Variants in IL4R observed in about 807,000 individuals in gnomAD.
IL4R encodes the protein interleukin-4 receptor subunit alpha.
Under a neutral mutation model 41.5 loss-of-function variants are expected in IL4R, and 17 were observed. That is an observed-to-expected ratio of 0.41 (90% CI 0.28 to 0.61). The LOEUF (loss-of-function observed/expected upper bound fraction) is 0.61, where lower values mean the gene tolerates loss of function less well. Among genes scored for constraint, IL4R ranks in the 20% least tolerant of loss-of-function variants. IL4R has a pLI of 0.31. For missense variants in IL4R, 974 were observed against 1,043.1 expected, an observed-to-expected ratio of 0.93 and a Z score of 0.91; for synonymous variants, 402 against 422.9, an observed-to-expected ratio of 0.95 and a Z score of 0.61.
In IL4R at chr16:27,327,936, G is replaced by A. The variant is rs138284155; in HGVS notation, c.-151-2130G>A. Reference sequence around the variant, plus strand: ...GTTTAAAAATGATTATTGAGGCCAGGTGCGGTAGCTCATGCCTGTAATCCC... The same window carrying A: ...GTTTAAAAATGATTATTGAGGCCAGATGCGGTAGCTCATGCCTGTAATCCC... On this transcript the variant is annotated intron_variant, in intron 1 of 10. Coordinates refer to ENST00000395762, the MANE Select transcript of IL4R (RefSeq NM_000418.4). 2.6e-3 allele frequency among the ~76,000 whole-genome samples: 395 copies of A among 152,200 alleles called. 5 individuals carry two copies. The East Asian group carries it at 0.041, about 16-fold the overall frequency.
At chr16:27,351,103 G>C (rs1436522367) in intron 6 of IL4R, among the ~76,000 whole-genome samples, 2 of 152,156 alleles carry the variant, frequency 1.3e-5, no homozygotes, top group Non-Finnish European at 2.9e-5. Flanking sequence ...GTGTGGGATG[G>C]GGCTGCAGTT....
At chr16:27,348,763 C>A (rs2085759048) in intron 6 of IL4R, among the ~76,000 whole-genome samples, 1 of 152,186 alleles carries the variant, frequency 6.6e-6, no homozygotes, top group African/African-American at 2.4e-5. Context: ...AGTCACATAC[C>A]TGCCTCTAGG....
chr16:27,317,291 G>A (rs370186945), intron 1 of IL4R, among the ~76,000 whole-genome samples: 1 of 152,120 alleles, frequency 6.6e-6, no homozygotes, highest in Non-Finnish European at 1.5e-5. Flanking sequence ...ACTGAGACCC[G>A]GAGATGAATG....
chr16:27,338,104 G>A (rs1003345186), intron 2 of IL4R, among the ~76,000 whole-genome samples: 2 of 151,238 alleles, frequency 1.3e-5, no homozygotes, highest in African/African-American at 4.9e-5. Context: ...CTACAGGTGT[G>A]CGCCACCACA....
intron 9 of IL4R, 101 bp from the exon 10 acceptor site, chr16:27,360,665 C>T: frequency 7.2e-7 from 1 of 1,390,150 alleles, no homozygotes; most frequent in Non-Finnish European, 1.0e-6. Flanking sequence ...GACTTCTGAT[C>T]TGTGTGATGT....
Position 27,352,521 on chromosome 16 carries a change from T to C in IL4R, c.514-19T>C. ...CTCGCCCCCGGCTGGTGCCCTAACA[T>C]CTCCCTTTTCTCTACCAGTTCAGAA... On this transcript the variant is annotated intron_variant, in intron 6 of 10. Transcript: ENST00000395762. 6.2e-7 allele frequency: 1 copy of C among 1,611,026 alleles called. No individual in the cohort carries two copies. The highest frequency in any genetic ancestry group is 8.5e-7 in the Non-Finnish European group (1 of 1,177,602).
intron 6 of IL4R, among the ~76,000 whole-genome samples, chr16:27,350,755 A>G (rs780780095): frequency 6.6e-6 from 1 of 152,198 alleles, no homozygotes; most frequent in African/African-American, 2.4e-5. Context: ...GTACAAAAGG[A>G]CTTAGAATGG....
chr16:27,358,608 T>TGAG (rs2086176920), intron 8 of IL4R, among the ~76,000 whole-genome samples: 1 of 152,214 alleles, frequency 6.6e-6, no homozygotes, highest in South Asian at 2.1e-4. Context: ...TCATTCCCAC[T>TGAG]GAGGACATAG....
intron 2 of IL4R, among the ~76,000 whole-genome samples, chr16:27,332,378 CAGG>C (rs200403770): frequency 0.012 from 1,890 of 152,160 alleles, 19 homozygotes; most frequent in South Asian, 0.022. Context: ...CATCAGATCT[CAGG>C]AGAACTCACT....
intron 1 of IL4R, among the ~76,000 whole-genome samples, chr16:27,318,032 T>C (rs1405854922): frequency 6.6e-6 from 1 of 152,222 alleles, no homozygotes; most frequent in African/African-American, 2.4e-5. Context: ...ACAGGCAATG[T>C]ACAACCAATA....
At chr16:27,316,779 A>G (rs1036665725) in intron 1 of IL4R, among the ~76,000 whole-genome samples, 1 of 152,192 alleles carries the variant, frequency 6.6e-6, no homozygotes, top group Admixed American at 6.5e-5. Context: ...CCAGAGCCTC[A>G]GTTTCTGCAT....
chr16:27,349,738 G>A (rs1426952392), intron 6 of IL4R, among the ~76,000 whole-genome samples: 3 of 152,050 alleles, frequency 2.0e-5, no homozygotes, highest in Non-Finnish European at 4.4e-5. Context: ...GAAATGGCAG[G>A]GCTGAGTTTT....
chr16:27,349,734 G>C (rs2085796493), intron 6 of IL4R, among the ~76,000 whole-genome samples: 1 of 152,112 alleles, frequency 6.6e-6, no homozygotes. Flanking sequence ...GCTGGAAATG[G>C]CAGGGCTGAG....
chr16:27,362,465 TGAGGAG>T lies in IL4R; in HGVS notation c.1124_1129del (p.Glu375_Glu376del), dbSNP rs756906772. The T allele has an allele frequency of 6.2e-7, 1 of 1,612,756 alleles. No individual in the cohort carries two copies. ...AGTTGTTTGAGGCCCCGGTGGAGTG[TGAGGAG>T]GAGGAGGAGGTAGAGGAAGAAAAAG... On this transcript the variant is annotated inframe_deletion, in exon 11 of 11. Coordinates refer to ENST00000395762, the MANE Select transcript of IL4R (RefSeq NM_000418.4).
rs34798776 is a variant in IL4R, at chr16:27,361,610, C to CT, written c.900-620dup. Among the ~76,000 whole-genome samples the CT allele has an allele frequency of 6.1e-3, 683 of 111,756 alleles. 2 individuals are homozygous for CT. The highest frequency in any genetic ancestry group is 0.014 in the East Asian group (50 of 3,686). 73.3% of individuals were successfully genotyped at this position (111,756 alleles called of 152,430 possible). The stretch of plus-strand genomic sequence containing the variant: ...CTGCTTCAACCCTAGGATCCCGCAT[C>CT]TTTTTTTTTTTTTTTTTTTTTTGGA... On this transcript the variant is annotated intron_variant, in intron 10 of 10. Coordinates refer to ENST00000395762, the MANE Select transcript of IL4R (RefSeq NM_000418.4).
intron 2 of IL4R, among the ~76,000 whole-genome samples, chr16:27,332,780 T>C (rs532563747): frequency 4.0e-4 from 61 of 152,122 alleles, no homozygotes; most frequent in African/African-American, 1.4e-3. Context: ...TTTTAGAACT[T>C]TCTTTCTAAG....
intron 1 of IL4R, among the ~76,000 whole-genome samples, chr16:27,322,369 A>T (rs2084839010): frequency 6.6e-6 from 1 of 151,900 alleles, no homozygotes; most frequent in Non-Finnish European, 1.5e-5. Context: ...TAGAGATGGG[A>T]TTTCGCTATG....
intron 1 of IL4R, among the ~76,000 whole-genome samples, chr16:27,314,994 G>A (rs2084597514): frequency 6.6e-6 from 1 of 151,982 alleles, no homozygotes; most frequent in Admixed American, 6.6e-5. Context: ...AACAAAATCT[G>A]GATTTCTTAG....
chr16:27,344,857 C>A lies in IL4R; in HGVS notation c.210-12C>A, dbSNP rs554970103. ...ACAGGTGACCAGCCTAACCCAGCCCCTGTGTCTGCAGAGCCCACACGTGTA... is the reference window on the plus strand; with the variant it reads ...ACAGGTGACCAGCCTAACCCAGCCCATGTGTCTGCAGAGCCCACACGTGTA... On this transcript the variant is annotated splice_polypyrimidine_tract_variant and intron_variant, in intron 4 of 10. Coordinates refer to ENST00000395762, the MANE Select transcript of IL4R (RefSeq NM_000418.4). The A allele has an allele frequency of 2.1e-4, 332 of 1,613,932 alleles. 2 individuals carry two copies. The South Asian group carries it at 3.5e-3, about 17-fold the overall frequency.
Sources: gnomAD v4.1 joint callset for allele counts (sites outside exome capture counted in the v4.1 genomes callset) on GRCh38, gnomAD v4.1.1 for gene constraint, MANE v1.5 for transcripts, NCBI Gene and HGNC (gene_info 2026-07-23, HGNC 2026-07-21) for gene names.